The following PCSK1N variants were observed in gnomAD, a reference collection of about 807,000 sequenced individuals.
PCSK1N encodes proprotein convertase subtilisin/kexin type 1 inhibitor, also known as proSAAS.
PCSK1N carries 8 observed loss-of-function variants against 10.6 expected under a neutral mutation model. That is an observed-to-expected ratio of 0.76 (90% CI 0.44 to 1.37). The LOEUF (loss-of-function observed/expected upper bound fraction) is 1.37. Ranked by LOEUF, PCSK1N falls within the 40% of genes most tolerant of loss-of-function variation. PCSK1N has a pLI of 0.00. For missense variants in PCSK1N, 301 were observed against 268.5 expected (o/e 1.12, Z -0.84); for synonymous variants, 143 against 137.1 (o/e 1.04, Z -0.30).
Position 48,831,255 on chromosome X carries a change from A to C in PCSK1N, c.*5T>G. ...GTCCCAGGGTGCACGGGATCCGGGC[A>C]GTGCTCAGGGTGGCAAGAGGCGGCG... On this transcript the variant is annotated 3_prime_UTR_variant, in exon 3 of 3. Transcript: ENST00000218230. 8.5e-7 allele frequency: 1 copy of C among 1,173,349 alleles called. No individual in the cohort carries two copies. Among genetic ancestry groups the C allele is most frequent in the Non-Finnish European group, 1.1e-6 (1 of 876,313 alleles).
At chrX:48,834,023 GA>G (rs1320685593) in intron 1 of PCSK1N, among the ~76,000 whole-genome samples, 1 of 111,607 alleles carries the variant, frequency 9.0e-6, no homozygotes, top group African/African-American at 3.3e-5. Flanking sequence ...CCGTTTCAAT[GA>G]TGTTCAAAAG....
chrX:48,833,907 C>T (rs189287350), intron 1 of PCSK1N, among the ~76,000 whole-genome samples: 4 of 111,107 alleles, frequency 3.6e-5, no homozygotes, highest in African/African-American at 6.5e-5. Flanking sequence ...GAAAAAAAAA[C>T]GTCAAGTTCC....
In PCSK1N at chrX:48,831,143, G is replaced by A. The variant is rs2063170907; in HGVS notation, c.*117C>T. On this transcript the variant is annotated 3_prime_UTR_variant, in exon 3 of 3. Transcript: ENST00000218230. ...GGGGCCAGGGGGTAGGGATCCTCGG[G>A]TGAGAGGGCTGGCTGGCCGGGGTAA... 3.5e-6 allele frequency: 2 copies of A among 578,324 alleles called. No individual in the cohort carries two copies. The highest frequency in any genetic ancestry group is 5.2e-6 in the Non-Finnish European group (2 of 387,660). 47.7% of individuals were successfully genotyped at this position (578,324 alleles called of 1,213,427 possible).
chrX:48,834,277 A>G (rs781838394), intron 1 of PCSK1N, among the ~76,000 whole-genome samples: 3 of 111,298 alleles, frequency 2.7e-5, no homozygotes, highest in Non-Finnish European at 5.7e-5. Flanking sequence ...TATATTAAAC[A>G]CATTGTTACA....
chrX:48,835,595 G>T lies in PCSK1N; in HGVS notation c.-63C>A. The T allele has an allele frequency of 2.2e-6, 1 of 461,804 alleles. No individual in the cohort carries two copies. Among genetic ancestry groups the T allele is most frequent in the Non-Finnish European group, 3.0e-6 (1 of 331,506 alleles). The allele number at this position is 461,804 out of a possible 1,213,427, so 38.1% of individuals were successfully genotyped here. A position where few individuals can be genotyped will look rare whatever the true frequency, so the allele number is the denominator to read the frequency against. Reference sequence around the variant, plus strand: ...GCTGGCAAGTGCGCAGTGCCGGGGCGAGCTGGCGAGGCTGCGGCGCTCTGC... The same window carrying T: ...GCTGGCAAGTGCGCAGTGCCGGGGCTAGCTGGCGAGGCTGCGGCGCTCTGC... On this transcript the variant is annotated 5_prime_UTR_variant, in exon 1 of 3. Transcript: ENST00000218230.
At chrX:48,833,309 CAAGGT>C (rs2063178543) in intron 1 of PCSK1N, among the ~76,000 whole-genome samples, 1 of 112,266 alleles carries the variant, frequency 8.9e-6, no homozygotes, top group Non-Finnish European at 1.9e-5. Flanking sequence ...TCCAGAAGCT[CAAGGT>C]TGCAGTGAGC....
chrX:48,835,426 G>T lies in PCSK1N; in HGVS notation c.107C>A (p.Pro36Gln), dbSNP rs1557034016. The T allele has an allele frequency of 1.1e-6, 1 of 906,493 alleles. No homozygotes were observed. The highest frequency in any genetic ancestry group is 1.4e-6 in the Non-Finnish European group (1 of 728,376). 74.7% of individuals were successfully genotyped at this position (906,493 alleles called of 1,213,427 possible). Residue 36 changes from proline to glutamine, a missense_variant, in exon 1 of 3, where the codon CCG (proline) becomes CAG (glutamine). By Grantham distance (76) the Pro-to-Gln change is moderately conservative. Transcript: ENST00000218230. Reference sequence around the variant, plus strand: ...GCCGGACTGGGGTCGCACCTTTACCGGCCGCGCGCAGAGCGCGGGGGGCGG... The same window carrying T: ...GCCGGACTGGGGTCGCACCTTTACCTGCCGCGCGCAGAGCGCGGGGGGCGG... ...FRPPPALCAR[P>Q]VKEPRGLSAA...
In PCSK1N at chrX:48,835,464, G is replaced by A. The variant is rs1276871432; in HGVS notation, c.69C>T (p.Leu23=). Residue 23 remains leucine, a synonymous_variant, in exon 1 of 3, where the codon CTC becomes CTT. Coordinates refer to ENST00000218230, the MANE Select transcript of PCSK1N (RefSeq NM_013271.5). ...GGVGLLVLLL[L]GLFRPPPALC... ...GCGCGGGGGGCGGCCGAAACAGGCC[G>A]AGCAGCAGCAGCACCAAAAGGCCGA... 4 of 968,755 alleles carry A rather than the reference G, an allele frequency of 4.1e-6. No homozygotes were observed. The highest frequency in any genetic ancestry group is 5.2e-6 in the Non-Finnish European group (4 of 771,422). The allele number at this position is 968,755 out of a possible 1,213,427, so 79.8% of individuals were successfully genotyped here.
At position 48,831,952 on chromosome X, in the gene PCSK1N, G is replaced by C. The variant is rs2063174138; in HGVS notation, c.504C>G (p.Pro168=). The change falls in exon 2 of 3, where the codon CCC becomes CCG. Residue 168 remains proline, a synonymous_variant. Coordinates refer to ENST00000218230, the MANE Select transcript of PCSK1N (RefSeq NM_013271.5). ...CCGCGGGGCCGTCGTCGTAGACCGG[G>C]GGCCGGGGTCGGAGCGCCGCGGCGG... ...PVPAAALRPR[P]PVYDDGPAGP... The C allele has an allele frequency of 3.8e-6, 4 of 1,065,259 alleles. No homozygotes were observed. Among genetic ancestry groups the C allele is most frequent in the Non-Finnish European group, 4.8e-6 (4 of 832,154 alleles). 87.8% of individuals were successfully genotyped at this position (1,065,259 alleles called of 1,213,427 possible).
chrX:48,831,515 A>G, intron 2 of PCSK1N, 60 bp from the exon 3 acceptor site: 1 of 899,472 alleles, frequency 1.1e-6, no homozygotes, highest in South Asian at 2.9e-5. Flanking sequence ...CCCCCGCCCC[A>G]CGCTCGGGGC....
chrX:48,832,349 A>G lies in PCSK1N; in HGVS notation c.115-8T>C. 9.1e-7 allele frequency: 1 copy of G among 1,101,039 alleles called. No homozygotes were observed. Among genetic ancestry groups the G allele is most frequent in the Non-Finnish European group, 1.2e-6 (1 of 839,320 alleles). 90.7% of individuals were successfully genotyped at this position (1,101,039 alleles called of 1,213,427 possible). Reference sequence around the variant, plus strand: ...GCTTAGGCCGCGGGGCTCCTGCGGGAAAATGAGGTGGGGGAAAAGAGTTTG... The same window carrying G: ...GCTTAGGCCGCGGGGCTCCTGCGGGGAAATGAGGTGGGGGAAAAGAGTTTG... On this transcript the variant is annotated splice_region_variant and splice_polypyrimidine_tract_variant and intron_variant, in intron 1 of 2. Transcript: ENST00000218230.
intron 1 of PCSK1N, 107 bp downstream of exon 1, chrX:48,835,312 G>T: frequency 2.8e-6 from 1 of 357,677 alleles, no homozygotes; most frequent in Non-Finnish European, 4.3e-6. Context: ...CTCTCCGCAC[G>T]TCCCGGGAGC....
rs2063172029 is a variant in PCSK1N at position 48,831,389 on chromosome X, G to A, written c.654C>T (p.Leu218=). The change falls in exon 3 of 3, where the codon CTC becomes CTT. Residue 218 remains leucine (L), a synonymous_variant. Transcript: ENST00000218230. Reference sequence around the variant, plus strand: ...CCACATCGTGGTCGGCGGCACGGCGGAGGCGGCGCGGGGCTGCCACCCCCT... The same window carrying A: ...CCACATCGTGGTCGGCGGCACGGCGAAGGCGGCGCGGGGCTGCCACCCCCT... ...DSEGVAAPRR[L]RRAADHDVGS... 1 of 1,109,503 alleles carries A rather than the reference G, an allele frequency of 9.0e-7. No individual in the cohort carries two copies. The highest frequency in any genetic ancestry group is 1.2e-6 in the Non-Finnish European group (1 of 851,375). 91.4% of individuals were successfully genotyped at this position (1,109,503 alleles called of 1,213,427 possible). A position where few individuals can be genotyped will look rare whatever the true frequency, so the allele number is the denominator to read the frequency against.
Position 48,831,963 on chromosome X carries a change from G to A in PCSK1N, c.493C>T (p.Arg165Ter), listed in dbSNP as rs2063174215. Residue 165 changes from arginine to a stop codon, truncating the protein, a stop_gained, in exon 2 of 3, where the codon CGA (arginine) becomes TGA (stop). Transcript: ENST00000218230. LOFTEE classifies it high-confidence loss of function. ...VPAPVPAAAL[R>*]PRPPVYDDGP... ...TCGTCGTAGACCGGGGGCCGGGGTC[G>A]GAGCGCCGCGGCGGGGACGGGCGCG... 1 of 1,062,462 alleles carries A rather than the reference G, an allele frequency of 9.4e-7. No homozygotes were observed. The highest frequency in any genetic ancestry group is 1.2e-6 in the Non-Finnish European group (1 of 830,660). 87.6% of individuals were successfully genotyped at this position (1,062,462 alleles called of 1,213,427 possible).
rs1047327143 is a variant in PCSK1N at position 48,835,400 on chromosome X, C to T, written c.114+19G>A. On this transcript the variant is annotated intron_variant, in intron 1 of 2. Coordinates refer to ENST00000218230, the MANE Select transcript of PCSK1N (RefSeq NM_013271.5). ...GCATCCTCCCCCAACCCCCACCCCT[C>T]GCCGGACTGGGGTCGCACCTTTACC... is the stretch of plus-strand genomic sequence containing the variant. The T allele has an allele frequency of 2.8e-5, 22 of 781,008 alleles. No individual in the cohort carries two copies. Among genetic ancestry groups the T allele is most frequent in the African/African-American group, 2.2e-4 (10 of 45,759 alleles). The allele number at this position is 781,008 out of a possible 1,213,427, so 64.4% of individuals were successfully genotyped here. A position where few individuals can be genotyped will look rare whatever the true frequency, so the allele number is the denominator to read the frequency against.
At chrX:48,834,453 G>T in intron 1 of PCSK1N, 1 of 359,155 alleles carries the variant, frequency 2.8e-6, no homozygotes, top group South Asian at 1.4e-4. Flanking sequence ...CACTCATGAG[G>T]ACTGACAGGC....
intron 1 of PCSK1N, among the ~76,000 whole-genome samples, chrX:48,832,735 C>A (rs1269226110): frequency 9.0e-6 from 1 of 110,830 alleles, no homozygotes; most frequent in Non-Finnish European, 1.9e-5. Context: ...GTTCATATAT[C>A]ATTTGGCATG....
At position 48,831,125 on chromosome X, in the gene PCSK1N, G is replaced by A. The variant is rs781821767; in HGVS notation, c.*135C>T. On this transcript the variant is annotated 3_prime_UTR_variant, in exon 3 of 3. Transcript: ENST00000218230. The stretch of plus-strand genomic sequence containing the variant: ...TCAGATCATGTTTATTGTGGGGCCA[G>A]GGGGTAGGGATCCTCGGGTGAGAGG... 27 of 498,951 alleles carry A rather than the reference G, an allele frequency of 5.4e-5. 1 individual carries two copies. The South Asian group carries it at 9.4e-4, about 17-fold the overall frequency. 41.1% of individuals were successfully genotyped at this position (498,951 alleles called of 1,213,427 possible).
rs782656548 is a variant in PCSK1N, at chrX:48,832,330, G to A, written c.126C>T (p.Gly42=). Residue 42 remains glycine (G), a synonymous_variant, in exon 2 of 3, where the codon GGC becomes GGT. Transcript: ENST00000218230. ...LCARPVKEPR[G]LSAASPPLAE... The stretch of plus-strand genomic sequence containing the variant: ...CCAAGGGCGGAGACGCTGCGCTTAG[G>A]CCGCGGGGCTCCTGCGGGAAAATGA... 8.9e-7 allele frequency: 1 copy of A among 1,117,589 alleles called. No homozygotes were observed. 92.1% of individuals were successfully genotyped at this position (1,117,589 alleles called of 1,213,427 possible). A position where few individuals can be genotyped will look rare whatever the true frequency, so the allele number is the denominator to read the frequency against.
Sources: allele counts gnomAD v4.1 joint callset (sites outside exome capture counted in the v4.1 genomes callset), GRCh38; gene constraint gnomAD v4.1.1; transcripts MANE v1.5; gene names NCBI Gene and HGNC (gene_info 2026-07-23, HGNC 2026-07-21).